The following GLIPR2 variants were observed in gnomAD, a reference collection of about 807,000 sequenced individuals.
GLIPR2 encodes GLI pathogenesis related 2.
GLIPR2 carries 21 observed loss-of-function variants against 20.4 expected under a neutral mutation model. That is an observed-to-expected ratio of 1.03 (90% CI 0.73 to 1.48). The LOEUF is 1.48. Among genes scored for constraint, GLIPR2 ranks in the 40% most tolerant of loss-of-function variants. The pLI is 0.00. For missense variants in GLIPR2, 205 were observed against 200.1 expected, an observed-to-expected ratio of 1.02 and a Z score of -0.15; for synonymous variants, 91 against 80.5, an observed-to-expected ratio of 1.13 and a Z score of -0.70.
Position 36,150,905 on chromosome 9 carries a change from T to C in GLIPR2, c.260T>C (p.Ile87Thr). The change falls in exon 4 of 5, where the codon ATC becomes ACC. Residue 87 changes from isoleucine to threonine, a missense_variant. Ile to Thr is a moderately conservative substitution (Grantham distance 89). Transcript: ENST00000377960. ...GTGGCTGATAGATGGTACAGTGAAA[T>C]CAAGAACTATAACTTCCAGCAGCCT... ...KEVADRWYSE[I>T]KNYNFQQPGF... 1 of 1,613,860 alleles carries C rather than the reference T, an allele frequency of 6.2e-7. No homozygotes were observed. The highest frequency in any genetic ancestry group is 1.1e-5 in the South Asian group (1 of 91,064).
chr9:36,162,107 G>C, intron 4 of GLIPR2: 1 of 629,078 alleles, frequency 1.6e-6, no homozygotes, highest in Non-Finnish European at 2.4e-6. Context: ...CCCAGGAGGT[G>C]GAGGTTGCAG....
chr9:36,162,325 C>G (rs369608075), intron 4 of GLIPR2, 37 bp from the exon 5 acceptor site: 133 of 1,600,122 alleles, frequency 8.3e-5, no homozygotes, highest in Non-Finnish European at 1.1e-4. Context: ...TCTGCTAATT[C>G]AGCCGTGTCC....
intron 1 of GLIPR2, among the ~76,000 whole-genome samples, chr9:36,146,930 A>G (rs999737033): frequency 2.0e-5 from 3 of 151,902 alleles, no homozygotes; most frequent in Admixed American, 2.0e-4. Context: ...CTGCACTTCT[A>G]CAGCTCCATT....
At chr9:36,141,301 C>G (rs537010197) in intron 1 of GLIPR2, among the ~76,000 whole-genome samples, 1 of 151,686 alleles carries the variant, frequency 6.6e-6, no homozygotes, top group African/African-American at 2.4e-5. Flanking sequence ...TTGAAATTCC[C>G]GGATCCGGCT....
intron 1 of GLIPR2, chr9:36,141,744 C>A: frequency 1.6e-5 from 7 of 443,148 alleles, no homozygotes; most frequent in South Asian, 1.1e-4. Context: ...GCCTCGATCT[C>A]CTGGGCTCAA....
intron 4 of GLIPR2, among the ~76,000 whole-genome samples, chr9:36,153,599 G>C (rs7026651): frequency 0.043 from 6,504 of 152,104 alleles, 443 homozygotes; most frequent in African/African-American, 0.15. Context: ...GTAGGTGAAA[G>C]AGCCTTTGAA....
At chr9:36,138,950 G>A (rs753893549) in intron 1 of GLIPR2, among the ~76,000 whole-genome samples, 70 of 152,128 alleles carry the variant, frequency 4.6e-4, no homozygotes, top group Non-Finnish European at 8.4e-4. Context: ...TGAAAGCAGC[G>A]TAACTAGAGC....
intron 4 of GLIPR2, among the ~76,000 whole-genome samples, chr9:36,154,094 T>C: frequency 8.1e-6 from 1 of 123,008 alleles, no homozygotes; most frequent in African/African-American, 3.0e-5. Flanking sequence ...TATATATATA[T>C]ATCTTTTCCC....
chr9:36,162,286 A>T (rs777617901), intron 4 of GLIPR2, 76 bp from the exon 5 acceptor site: 344 of 1,601,570 alleles, frequency 2.1e-4, no homozygotes, highest in Non-Finnish European at 2.7e-4. Context: ...CAGGGGTTCA[A>T]CAATCCCCTG....
At chr9:36,154,631 C>T (rs1043278771) in intron 4 of GLIPR2, among the ~76,000 whole-genome samples, 1 of 152,122 alleles carries the variant, frequency 6.6e-6, no homozygotes, top group Non-Finnish European at 1.5e-5. Flanking sequence ...AAGGAACCTT[C>T]GTTAGTGGAC....
Position 36,151,307 on chromosome 9 carries a change from A to G in GLIPR2, c.304+358A>G, listed in dbSNP as rs143395033. 4.2e-4 allele frequency among the ~76,000 whole-genome samples: 64 copies of G among 152,192 alleles called. 1 individual carries two copies. Among genetic ancestry groups the G allele is most frequent in the African/African-American group, 1.5e-3 (64 of 41,510 alleles). ...CCTGTGTCTAGTCTTGTTTTCTGCA[A>G]TCCATCCTGCTCTCCAGCAGCCTCA... On this transcript the variant is annotated intron_variant, in intron 4 of 4. Coordinates refer to ENST00000377960, the MANE Select transcript of GLIPR2 (RefSeq NM_022343.4).
At chr9:36,138,948 G>A (rs1323526376) in intron 1 of GLIPR2, among the ~76,000 whole-genome samples, 1 of 152,164 alleles carries the variant, frequency 6.6e-6, no homozygotes, top group Non-Finnish European at 1.5e-5. Context: ...TCTGAAAGCA[G>A]CGTAACTAGA....
At chr9:36,159,414 A>T (rs1018507698) in intron 4 of GLIPR2, among the ~76,000 whole-genome samples, 3 of 152,234 alleles carry the variant, frequency 2.0e-5, no homozygotes, top group Non-Finnish European at 2.9e-5. Flanking sequence ...CTTCTATATT[A>T]CTTTTATTCA....
chr9:36,149,649 C>T (rs1236673935), intron 3 of GLIPR2, among the ~76,000 whole-genome samples: 1 of 152,218 alleles, frequency 6.6e-6, no homozygotes, highest in Non-Finnish European at 1.5e-5. Context: ...AGTTTCCCAT[C>T]TCTACAGAGA....
chr9:36,162,211 TTC>T, intron 4 of GLIPR2, 149 bp from the exon 5 acceptor site: 2 of 1,548,564 alleles, frequency 1.3e-6, no homozygotes, highest in Non-Finnish European at 1.7e-6. Context: ...TCAGAGTGTT[TTC>T]TCTCTCCTTC....
Position 36,163,305 on chromosome 9 carries a change from C to T in GLIPR2, c.*783C>T, listed in dbSNP as rs1826141007. ...GAGAGTTGGGCTAGGCCTGAAGCTCCCCCTCCCCCACCTCTGCTAGGCAGC... is the reference window on the plus strand; with the variant it reads ...GAGAGTTGGGCTAGGCCTGAAGCTCTCCCTCCCCCACCTCTGCTAGGCAGC... On this transcript the variant is annotated 3_prime_UTR_variant, in exon 5 of 5. Transcript: ENST00000377960. 2.1e-5 allele frequency: 4 copies of T among 190,090 alleles called. No individual in the cohort carries two copies. In the South Asian group the frequency reaches 3.4e-4, roughly 16 times the overall value. The allele number at this position is 190,090 out of a possible 1,614,324, so 11.8% of individuals were successfully genotyped here.
At chr9:36,158,634 G>A (rs1825934815) in intron 4 of GLIPR2, among the ~76,000 whole-genome samples, 1 of 152,200 alleles carries the variant, frequency 6.6e-6, no homozygotes, top group South Asian at 2.1e-4. Context: ...CAGATATTTA[G>A]GAGGGAACAA....
At chr9:36,142,341 A>G (rs1825126613) in intron 1 of GLIPR2, among the ~76,000 whole-genome samples, 1 of 152,154 alleles carries the variant, frequency 6.6e-6, no homozygotes, top group African/African-American at 2.4e-5. Context: ...GGCTTAGGAC[A>G]GGGCTTTGCA....
chr9:36,152,474 G>C (rs1227981364), intron 4 of GLIPR2, among the ~76,000 whole-genome samples: 2 of 152,158 alleles, frequency 1.3e-5, no homozygotes, highest in African/African-American at 2.4e-5. Flanking sequence ...CATGGGCTGG[G>C]TGCGGTGGCT....
Sources: allele counts gnomAD v4.1 joint callset (sites outside exome capture counted in the v4.1 genomes callset), GRCh38; gene constraint gnomAD v4.1.1; transcripts MANE v1.5; gene names NCBI Gene and HGNC (gene_info 2026-07-23, HGNC 2026-07-21).